The following PDE8A variants were observed in gnomAD, a reference collection of about 807,000 sequenced individuals.
PDE8A encodes the protein phosphodiesterase 8A.
Under a neutral mutation model 105.0 loss-of-function variants are expected in PDE8A, and 59 were observed. The observed-to-expected ratio is 0.56, with a 90% CI of 0.46 to 0.70. PDE8A has a LOEUF of 0.70. Ranked by LOEUF, PDE8A falls within the 30% of genes least tolerant of loss-of-function variation. PDE8A has a pLI of 0.00. For synonymous variants in PDE8A, 355 were observed against 371.9 expected (o/e 0.95, Z 0.52); for missense variants, 1,014 against 1,045.9 (o/e 0.97, Z 0.42).
At chr15:85,033,313 A>G (rs987830519) in intron 1 of PDE8A, among the ~76,000 whole-genome samples, 1 of 152,184 alleles carries the variant, frequency 6.6e-6, no homozygotes, top group Non-Finnish European at 1.5e-5. Context: ...TGATTCCAGG[A>G]TGCAGAAGAG....
At chr15:84,993,254 T>C (rs892923820) in intron 1 of PDE8A, among the ~76,000 whole-genome samples, 20 of 151,646 alleles carry the variant, frequency 1.3e-4, no homozygotes, top group South Asian at 8.3e-4. Context: ...CCATCCTGGC[T>C]AACACGGTGA....
intron 1 of PDE8A, among the ~76,000 whole-genome samples, chr15:84,989,921 C>G (rs1308413508): frequency 1.3e-5 from 2 of 152,144 alleles, no homozygotes; most frequent in Non-Finnish European, 2.9e-5. Flanking sequence ...TAACAGTTTT[C>G]TATATTTGTC....
At chr15:85,057,558 G>A (rs1474882581) in intron 1 of PDE8A, among the ~76,000 whole-genome samples, 2 of 152,270 alleles carry the variant, frequency 1.3e-5, no homozygotes, top group East Asian at 1.9e-4. Flanking sequence ...ACAAGCCCCA[G>A]TGAGATGAAG....
chr15:85,054,236 A>G (rs1319744978), intron 1 of PDE8A, among the ~76,000 whole-genome samples: 1 of 151,984 alleles, frequency 6.6e-6, no homozygotes, highest in Non-Finnish European at 1.5e-5. Context: ...TTTATTCAGG[A>G]TTTTTGCATC....
chr15:85,112,718 G>A (rs774743516), intron 12 of PDE8A, among the ~76,000 whole-genome samples: 18 of 152,284 alleles, frequency 1.2e-4, no homozygotes, highest in Non-Finnish European at 2.5e-4. Flanking sequence ...AGGATTGTTC[G>A]TGGAGATACC....
rs1237781382 is a variant in PDE8A, at chr15:84,982,341, G to A, written c.179G>A (p.Gly60Asp). Residue 60 changes from glycine to aspartate, a missense_variant, in exon 1 of 22, where the codon GGC becomes GAC. By Grantham distance (94) the Gly-to-Asp change is moderately conservative (BLOSUM62 -1). Transcript: ENST00000394553. ...LLESELRDGS[G>D]KKVAVADVQF... is the part of the protein sequence containing the mutation. ...GAGTCGGAGCTTCGCGACGGCAGCG[G>A]CAAGAAGGTAAGGGGCGCCGGGCAC... 1 of 1,327,600 alleles carries A rather than the reference G, an allele frequency of 7.5e-7. No individual in the cohort carries two copies. The highest frequency in any genetic ancestry group is 4.0e-5 in the Admixed American group (1 of 25,116). 82.2% of individuals were successfully genotyped at this position (1,327,600 alleles called of 1,614,324 possible). A position where few individuals can be genotyped will look rare whatever the true frequency, so the allele number is the denominator to read the frequency against.
chr15:85,115,901 C>CA, intron 15 of PDE8A, 83 bp from the exon 16 acceptor site: 1 of 1,224,876 alleles, frequency 8.2e-7, no homozygotes, highest in Non-Finnish European at 1.1e-6. Context: ...GCCTGGGCAA[C>CA]AGAGTGAGAT....
chr15:85,044,894 T>C (rs1242995404), intron 1 of PDE8A, among the ~76,000 whole-genome samples: 1 of 152,268 alleles, frequency 6.6e-6, no homozygotes, highest in Non-Finnish European at 1.5e-5. Context: ...AATTCAAATG[T>C]CTTGTCCTGC....
chr15:84,990,010 G>A (rs968090156), intron 1 of PDE8A, among the ~76,000 whole-genome samples: 1 of 152,128 alleles, frequency 6.6e-6, no homozygotes, highest in South Asian at 2.1e-4. Context: ...CCACACATCA[G>A]TATACTCAAC....
chr15:85,008,210 A>C (rs1345942413), intron 1 of PDE8A, among the ~76,000 whole-genome samples: 1 of 151,932 alleles, frequency 6.6e-6, no homozygotes, highest in Non-Finnish European at 1.5e-5. Flanking sequence ...GTCCTATTCC[A>C]GGACTTTCCC....
chr15:85,064,571 T>C (rs8031544), intron 2 of PDE8A, 145 bp downstream of exon 2: 22,950 of 608,336 alleles, frequency 0.038, 2,227 homozygotes, highest in African/African-American at 0.28. Flanking sequence ...TCTGTAACAG[T>C]ATTATAGTTA....
Position 85,100,168 on chromosome 15 carries a change from T to C in PDE8A, c.1006T>C (p.Ser336Pro), listed in dbSNP as rs772674000. ...AATTCACTTTTAGGCTGAGAAAATA[T>C]CCGAATGTGTTCAGTCTGACACTCA... ...CNGNNKAEKI[S>P]ECVQSDTHTD... The change falls in exon 11 of 22, where the codon TCC becomes CCC. Residue 336 changes from serine to proline, a missense_variant. Ser to Pro is a moderately conservative substitution (Grantham distance 74, BLOSUM62 -1). Coordinates refer to ENST00000394553, the MANE Select transcript of PDE8A (RefSeq NM_002605.3). 9.9e-6 allele frequency: 16 copies of C among 1,613,838 alleles called. No homozygotes were observed. The South Asian group carries it at 1.4e-4, about 14-fold the overall frequency.
chr15:85,031,171 A>G (rs1278351009), intron 1 of PDE8A, among the ~76,000 whole-genome samples: 4 of 152,192 alleles, frequency 2.6e-5, no homozygotes, highest in African/African-American at 7.2e-5. Context: ...GTTATCTAAA[A>G]CTGAATCTGA....
At chr15:85,054,953 C>G (rs1026427061) in intron 1 of PDE8A, among the ~76,000 whole-genome samples, 3 of 152,158 alleles carry the variant, frequency 2.0e-5, no homozygotes, top group Admixed American at 6.5e-5. Flanking sequence ...GCATTTACTG[C>G]TATAAATTTC....
At chr15:85,105,505 C>T (rs1437151114) in intron 11 of PDE8A, among the ~76,000 whole-genome samples, 7 of 152,228 alleles carry the variant, frequency 4.6e-5, no homozygotes, top group Non-Finnish European at 1.0e-4. Flanking sequence ...AGGGCTAATG[C>T]GAGTTGGAGG....
intron 1 of PDE8A, among the ~76,000 whole-genome samples, chr15:85,054,443 A>G (rs1306986682): frequency 6.6e-6 from 1 of 152,144 alleles, no homozygotes; most frequent in Admixed American, 6.6e-5. Context: ...TGAATCCATC[A>G]GGTACGGGAC....
At chr15:85,033,081 C>T (rs1291042497) in intron 1 of PDE8A, among the ~76,000 whole-genome samples, 3 of 152,144 alleles carry the variant, frequency 2.0e-5, no homozygotes, top group African/African-American at 7.2e-5. Flanking sequence ...TGGGAGATAT[C>T]TGAAACCCCA....
At chr15:85,013,057 T>C (rs2080267179) in intron 1 of PDE8A, among the ~76,000 whole-genome samples, 1 of 152,162 alleles carries the variant, frequency 6.6e-6, no homozygotes, top group African/African-American at 2.4e-5. Flanking sequence ...CTCTTGTCAC[T>C]TTTTTCTTTC....
At chr15:85,077,423 G>T (rs893091525) in intron 5 of PDE8A, among the ~76,000 whole-genome samples, 1 of 152,214 alleles carries the variant, frequency 6.6e-6, no homozygotes, top group Admixed American at 6.5e-5. Context: ...TGTAGCCCAG[G>T]TTAGTATAAG....
Sources: allele counts gnomAD v4.1 joint callset (sites outside exome capture counted in the v4.1 genomes callset), GRCh38; gene constraint gnomAD v4.1.1; transcripts MANE v1.5; gene names NCBI Gene and HGNC (gene_info 2026-07-23, HGNC 2026-07-21).